The following PDE3B variants were observed in gnomAD, a reference collection of about 807,000 sequenced individuals.
The protein encoded by PDE3B is cGMP-inhibited 3',5'-cyclic phosphodiesterase 3B.
In PDE3B, 66 loss-of-function variants were observed where a neutral mutation model predicts 116.8. The observed-to-expected ratio is 0.56, with a 90% confidence interval of 0.46 to 0.69. The LOEUF is 0.69. PDE3B is among the 30% of genes least tolerant of loss of function. The pLI, the probability that PDE3B is intolerant of heterozygous loss-of-function variation, is 0.00. For missense variants in PDE3B, 1,384 were observed against 1,368.1 expected, an observed-to-expected ratio of 1.01 and a Z score of -0.18; for synonymous variants, 595 against 533.6, an observed-to-expected ratio of 1.12 and a Z score of -1.59.
intron 1 of PDE3B, among the ~76,000 whole-genome samples, chr11:14,665,197 T>G (rs78474492): frequency 0.35 from 53,892 of 151,928 alleles, 10,933 homozygotes; most frequent in South Asian, 0.46. Flanking sequence ...TGCAGAAAAG[T>G]CCTTTGACAA....
the PDE3B span, chr11:14,878,276 T>C: frequency 6.2e-7 from 1 of 1,613,008 alleles, no homozygotes; most frequent in Non-Finnish European, 8.5e-7. Flanking sequence ...AGCCAAGTGT[T>C]CTCCAAGACA....
rs550789184 is a variant in PDE3B, at chr11:14,690,105, A to G, written c.978+45052A>G. Among the ~76,000 whole-genome samples the G allele has an allele frequency of 1.6e-4, 24 of 152,322 alleles. No individual in the cohort carries two copies. In the South Asian group the frequency reaches 4.8e-3, roughly 30 times the overall value. ...TAACACTTAGTGTTATGACACAAAG[A>G]TGGAAGGCTAGAGATCACCTGGTGA... is the stretch of plus-strand genomic sequence containing the variant. On this transcript the variant is annotated intron_variant, in intron 1 of 15. Coordinates refer to ENST00000282096, the MANE Select transcript of PDE3B (RefSeq NM_000922.4).
intron 12 of PDE3B, among the ~76,000 whole-genome samples, chr11:14,854,232 G>A (rs1847807687): frequency 6.6e-6 from 1 of 152,118 alleles, no homozygotes; most frequent in Non-Finnish European, 1.5e-5. Context: ...ACACCTTTAT[G>A]CAGAGTGACT....
the PDE3B span, among the ~76,000 whole-genome samples, chr11:14,882,570 CT>C: frequency 6.6e-6 from 1 of 152,158 alleles, no homozygotes; most frequent in African/African-American, 2.4e-5. Context: ...CAAAGGGCAA[CT>C]TTTTCCCATT....
In PDE3B at chr11:14,663,124, A is replaced by T. The variant is rs554034360; in HGVS notation, c.978+18071A>T. ...CAGCGGATCTCTCAGCAGAAACTCT[A>T]CAAGCCAGAAGAGAGTGGGGGCCAA... On this transcript the variant is annotated intron_variant, in intron 1 of 15. Transcript: ENST00000282096. 3.4e-4 allele frequency among the ~76,000 whole-genome samples: 52 copies of T among 152,320 alleles called. No individual in the cohort carries two copies. In the East Asian group the frequency reaches 6.4e-3, roughly 19 times the overall value.
intron 1 of PDE3B, among the ~76,000 whole-genome samples, chr11:14,756,780 CAA>C (rs1157033140): frequency 2.7e-5 from 4 of 147,518 alleles, no homozygotes; most frequent in African/African-American, 1.0e-4. Flanking sequence ...TACTGACACA[CAA>C]GATATCATTT....
the PDE3B span, chr11:14,879,200 C>T: frequency 6.2e-7 from 1 of 1,613,284 alleles, no homozygotes; most frequent in Non-Finnish European, 8.5e-7. Flanking sequence ...TTCTGGGTCT[C>T]TCCAGTACTT....
chr11:14,653,004 T>A (rs1853610609), intron 1 of PDE3B, among the ~76,000 whole-genome samples: 1 of 152,222 alleles, frequency 6.6e-6, no homozygotes, highest in Non-Finnish European at 1.5e-5. Context: ...CATGGTTAAG[T>A]TTATTCCTGA....
chr11:14,786,602 A>T lies in PDE3B; in HGVS notation c.1195A>T (p.Asn399Tyr), dbSNP rs780622007. ...AFSGSCRPKI[N>Y]PLTPFPGFYP... ...CTCAGGTTCCTGTAGGCCAAAGATTAATCCTCTCACACCATTTCCTGGATT... is the reference window on the plus strand; with the variant it reads ...CTCAGGTTCCTGTAGGCCAAAGATTTATCCTCTCACACCATTTCCTGGATT... The change falls in exon 3 of 16, where the codon AAT becomes TAT. Residue 399 changes from asparagine (N) to tyrosine (Y), a missense_variant. Asn to Tyr is a moderately radical substitution (Grantham distance 143). Transcript: ENST00000282096. 6.2e-6 allele frequency: 10 copies of T among 1,612,772 alleles called. No homozygotes were observed. The South Asian group carries it at 1.1e-4, about 18-fold the overall frequency.
intron 1 of PDE3B, among the ~76,000 whole-genome samples, chr11:14,730,103 C>T (rs572454625): frequency 3.3e-5 from 5 of 152,280 alleles, no homozygotes; most frequent in South Asian, 2.1e-4. Context: ...TTGCCCCTCA[C>T]GTTAGCCAAT....
intron 11 of PDE3B, among the ~76,000 whole-genome samples, chr11:14,843,301 T>C (rs1847514909): frequency 6.6e-6 from 1 of 152,212 alleles, no homozygotes; most frequent in Non-Finnish European, 1.5e-5. Context: ...TGGAGCTTCA[T>C]GAAAGAAAAC....
intron 1 of PDE3B, among the ~76,000 whole-genome samples, chr11:14,645,385 T>C (rs929547385): frequency 1.3e-5 from 2 of 152,228 alleles, no homozygotes; most frequent in Non-Finnish European, 2.9e-5. Context: ...ATAGATTGAC[T>C]ACTCCCGCTT....
At chr11:14,691,445 C>A (rs528842258) in intron 1 of PDE3B, among the ~76,000 whole-genome samples, 1 of 152,036 alleles carries the variant, frequency 6.6e-6, no homozygotes, top group Non-Finnish European at 1.5e-5. Context: ...AAGTATTTTG[C>A]TAGTAAGTTA....
the PDE3B span, among the ~76,000 whole-genome samples, chr11:14,897,400 G>A: frequency 6.6e-6 from 1 of 152,128 alleles, no homozygotes. Context: ...GCCCTCAGAG[G>A]AAACAAGAAG....
chr11:14,802,069 C>G (rs2133932747), intron 4 of PDE3B, among the ~76,000 whole-genome samples: 1 of 152,344 alleles, frequency 6.6e-6, no homozygotes, highest in South Asian at 2.1e-4. Context: ...TTGCTGGGCT[C>G]TGTGGCGGTG....
chr11:14,663,687 G>T (rs910218790), intron 1 of PDE3B, among the ~76,000 whole-genome samples: 13 of 152,064 alleles, frequency 8.5e-5, no homozygotes, highest in Middle Eastern at 3.4e-3. Flanking sequence ...CATTACATAA[G>T]GGTAAAGGGA....
chr11:14,806,507 T>A (rs2133937286), intron 5 of PDE3B, among the ~76,000 whole-genome samples: 1 of 151,190 alleles, frequency 6.6e-6, no homozygotes, highest in Admixed American at 6.6e-5. Flanking sequence ...ATTGTGGCAG[T>A]GTTCACAATA....
downstream of PDE3B, among the ~76,000 whole-genome samples, chr11:14,876,193 A>G (rs1225937206): frequency 2.0e-5 from 3 of 152,112 alleles, no homozygotes; most frequent in Non-Finnish European, 2.9e-5. Flanking sequence ...ACAAAGACTA[A>G]GGAGCAACTT....
At chr11:14,889,305 A>G in the PDE3B span, among the ~76,000 whole-genome samples, 1 of 152,232 alleles carries the variant, frequency 6.6e-6, no homozygotes, top group African/African-American at 2.4e-5. Context: ...CTCCAAAAAA[A>G]GGTATAGTAT....
Sources: allele counts gnomAD v4.1 joint callset (sites outside exome capture counted in the v4.1 genomes callset), GRCh38; gene constraint gnomAD v4.1.1; transcripts MANE v1.5; gene names NCBI Gene and HGNC (gene_info 2026-07-23, HGNC 2026-07-21).